The following SDK1 variants were observed in gnomAD, a reference collection of about 807,000 sequenced individuals.
SDK1 encodes the protein protein sidekick-1.
A neutral mutation model predicts 245.5 loss-of-function variants in SDK1; 157 were observed. The ratio of observed to expected loss-of-function variants is 0.64; its 90% CI spans 0.56 to 0.73. The LOEUF (loss-of-function observed/expected upper bound fraction) is 0.73, where lower values mean the gene tolerates loss of function less well. Among genes scored for constraint, SDK1 ranks in the 30% least tolerant of loss-of-function variants. The pLI is 0.00. For missense variants in SDK1, 3,583 were observed against 3,002.3 expected, an observed-to-expected ratio of 1.19 and a Z score of -4.52; for synonymous variants, 1,647 against 1,278.5, an observed-to-expected ratio of 1.29 and a Z score of -6.15.
At chr7:4,265,026 C>T (rs1788368901) in intron 44 of SDK1, 98 bp from the exon 45 acceptor site, 3 of 1,514,844 alleles carry the variant, frequency 2.0e-6, no homozygotes, top group East Asian at 2.5e-5. Context: ...GCGACACACG[C>T]CCCTGGGGAG....
intron 5 of SDK1, among the ~76,000 whole-genome samples, chr7:3,845,725 C>A (rs1029212970): frequency 6.6e-6 from 1 of 150,760 alleles, no homozygotes; most frequent in African/African-American, 2.4e-5. Context: ...GCAGCCTAGT[C>A]AATTAAAAAG....
intron 13 of SDK1, among the ~76,000 whole-genome samples, chr7:3,986,721 C>T (rs1166379211): frequency 6.6e-6 from 1 of 152,088 alleles, no homozygotes; most frequent in Admixed American, 6.5e-5. Flanking sequence ...ATTAGCTGGG[C>T]ATGGTGGCAG....
At chr7:3,813,864 G>A (rs1282323286) in intron 4 of SDK1, among the ~76,000 whole-genome samples, 1 of 125,956 alleles carries the variant, frequency 7.9e-6, no homozygotes, top group Non-Finnish European at 1.6e-5. Context: ...GATGGCCAGT[G>A]ATGATGAGCA....
chr7:4,113,272 A>T lies in SDK1; in HGVS notation c.3435-17A>T, dbSNP rs113050866. The T allele has an allele frequency of 1.2e-6, 2 of 1,610,094 alleles. No individual in the cohort carries two copies. Among genetic ancestry groups the T allele is most frequent in the Non-Finnish European group, 1.7e-6 (2 of 1,177,960 alleles). On this transcript the variant is annotated splice_polypyrimidine_tract_variant and intron_variant, in intron 23 of 44. Transcript: ENST00000404826. ...CCTTTGCTTTGCCGTGACTCTCATCAGTGGTTTTTCCTTTAGATTTCGAAT... is the reference window on the plus strand; with the variant it reads ...CCTTTGCTTTGCCGTGACTCTCATCTGTGGTTTTTCCTTTAGATTTCGAAT...
chr7:3,557,018 A>G (rs893832462), intron 1 of SDK1, among the ~76,000 whole-genome samples: 4 of 141,728 alleles, frequency 2.8e-5, no homozygotes, highest in South Asian at 2.4e-4. Flanking sequence ...AAAGGTCTCA[A>G]ATCAATAATC....
At chr7:3,856,500 AAAG>A (rs1363004182) in intron 5 of SDK1, among the ~76,000 whole-genome samples, 1 of 151,184 alleles carries the variant, frequency 6.6e-6, no homozygotes, top group Non-Finnish European at 1.5e-5. Context: ...AAAAAAAAAA[AAAG>A]CAGCTGGCCG....
intron 5 of SDK1, among the ~76,000 whole-genome samples, chr7:3,829,954 A>C (rs1367842871): frequency 6.6e-6 from 1 of 152,198 alleles, no homozygotes; most frequent in Non-Finnish European, 1.5e-5. Flanking sequence ...GTCAGTGCTT[A>C]CTAATGGAGC....
intron 1 of SDK1, among the ~76,000 whole-genome samples, chr7:3,302,923 T>C (rs1779317294): frequency 6.6e-6 from 1 of 151,944 alleles, no homozygotes; most frequent in Admixed American, 6.5e-5. Context: ...CCTGTGAAGA[T>C]GATTTATGTG....
chr7:3,711,834 CT>C (rs1406216743), intron 4 of SDK1, among the ~76,000 whole-genome samples: 1 of 152,128 alleles, frequency 6.6e-6, no homozygotes, highest in African/African-American at 2.4e-5. Context: ...GCGTTGTGAT[CT>C]TTTGATTTGA....
At chr7:4,067,199 C>T (rs1264959205) in intron 19 of SDK1, among the ~76,000 whole-genome samples, 1 of 152,200 alleles carries the variant, frequency 6.6e-6, no homozygotes, top group Non-Finnish European at 1.5e-5. Flanking sequence ...GGTCTGACAC[C>T]CAGCTTGGAC....
At chr7:4,198,138 G>T (rs1783688507) in intron 35 of SDK1, among the ~76,000 whole-genome samples, 2 of 152,156 alleles carry the variant, frequency 1.3e-5, no homozygotes, top group South Asian at 4.1e-4. Flanking sequence ...TGCCCCGTAG[G>T]GCCTCTCATG....
chr7:3,874,322 C>G (rs1041948184), intron 5 of SDK1, among the ~76,000 whole-genome samples: 8 of 152,228 alleles, frequency 5.3e-5, no homozygotes, highest in Non-Finnish European at 1.0e-4. Flanking sequence ...TGAGTCTTCT[C>G]TTTGCACTGG....
chr7:3,997,018 C>A (rs565500851), intron 14 of SDK1, among the ~76,000 whole-genome samples: 7 of 152,258 alleles, frequency 4.6e-5, no homozygotes, highest in Admixed American at 3.9e-4. Context: ...AGCCATATAG[C>A]CCACACCTCA....
chr7:4,159,352 A>T (rs1780972766), intron 31 of SDK1, among the ~76,000 whole-genome samples: 1 of 152,192 alleles, frequency 6.6e-6, no homozygotes, highest in Non-Finnish European at 1.5e-5. Flanking sequence ...GGCCTCAGGG[A>T]CCAGCAGAGG....
At chr7:4,094,661 T>C (rs1247303110) in intron 22 of SDK1, among the ~76,000 whole-genome samples, 1 of 152,174 alleles carries the variant, frequency 6.6e-6, no homozygotes, top group East Asian at 1.9e-4. Context: ...TTTATTGTTA[T>C]CAAACCGGAC....
chr7:3,966,298 G>T (rs574560949), intron 9 of SDK1, among the ~76,000 whole-genome samples: 2 of 152,154 alleles, frequency 1.3e-5, no homozygotes, highest in African/African-American at 2.4e-5. Flanking sequence ...CGGCGGCTGT[G>T]CCCTGGGTCC....
chr7:3,787,146 TCA>T (rs34838736), intron 4 of SDK1, among the ~76,000 whole-genome samples: 6,414 of 137,454 alleles, frequency 0.047, 134 homozygotes, highest in African/African-American at 0.067. Context: ...AGTATTGAAA[TCA>T]CACACACACA....
intron 1 of SDK1, among the ~76,000 whole-genome samples, chr7:3,589,366 G>C (rs1283777773): frequency 6.6e-6 from 1 of 152,198 alleles, no homozygotes; most frequent in Admixed American, 6.5e-5. Flanking sequence ...TTATTTCACA[G>C]GTGGTGTGGG....
At chr7:3,423,285 A>G (rs1779582530) in intron 1 of SDK1, among the ~76,000 whole-genome samples, 1 of 152,208 alleles carries the variant, frequency 6.6e-6, no homozygotes, top group Admixed American at 6.5e-5. Flanking sequence ...ATTTTTATTG[A>G]TTAACCAGGC....
Sources: allele counts gnomAD v4.1 joint callset (sites outside exome capture counted in the v4.1 genomes callset), GRCh38; gene constraint gnomAD v4.1.1; transcripts MANE v1.5; gene names NCBI Gene and HGNC (gene_info 2026-07-23, HGNC 2026-07-21).